DAB1: variants seen among roughly 807,000 people sequenced by gnomAD.
DAB1 encodes DAB adaptor protein 1.
In DAB1, 15 loss-of-function variants were observed where a neutral mutation model predicts 64.6. The observed-to-expected ratio is 0.23, with a 90% confidence interval of 0.16 to 0.36. The LOEUF (loss-of-function observed/expected upper bound fraction) is 0.36. Ranked by LOEUF, DAB1 falls within the 10% of genes least tolerant of loss-of-function variation. DAB1 has a pLI of 1.00. For synonymous variants in DAB1, 235 were observed against 251.9 expected (o/e 0.93, Z 0.64); for missense variants, 596 against 706.7 (o/e 0.84, Z 1.78).
chr1:57,670,788 T>C (rs1646501285), intron 6 of DAB1, among the ~76,000 whole-genome samples: 1 of 152,072 alleles, frequency 6.6e-6, no homozygotes, highest in Non-Finnish European at 1.5e-5. Context: ...AGAAATACTT[T>C]CAGGGAGAAG....
chr1:57,093,278 G>T (rs757851415), intron 4 of DAB1, among the ~76,000 whole-genome samples: 1 of 152,174 alleles, frequency 6.6e-6, no homozygotes, highest in Non-Finnish European at 1.5e-5. Flanking sequence ...GTGGAAAAAG[G>T]TCCCCTGGTC....
chr1:58,124,558 A>C (rs1029253600), intron 5 of DAB1, among the ~76,000 whole-genome samples: 1 of 152,166 alleles, frequency 6.6e-6, no homozygotes, highest in African/African-American at 2.4e-5. Context: ...CATATTTGTG[A>C]TGAATTATAG....
chr1:57,319,365 G>A (rs1247394438), intron 1 of DAB1, among the ~76,000 whole-genome samples: 1 of 148,428 alleles, frequency 6.7e-6, no homozygotes, highest in Non-Finnish European at 1.5e-5. Flanking sequence ...TGAACAAATC[G>A]CTGCCTCTTC....
At chr1:57,277,619 G>C (rs891556592) in intron 2 of DAB1, among the ~76,000 whole-genome samples, 1 of 152,194 alleles carries the variant, frequency 6.6e-6, no homozygotes, top group African/African-American at 2.4e-5. Flanking sequence ...GCTTCAGAAT[G>C]ACATTCAATG....
At chr1:57,512,001 T>C (rs912045027) in intron 7 of DAB1, among the ~76,000 whole-genome samples, 4 of 152,188 alleles carry the variant, frequency 2.6e-5, no homozygotes, top group Admixed American at 6.5e-5. Context: ...GTTTTAAAAC[T>C]ATCATCTATC....
chr1:57,613,879 A>G (rs1375076654), intron 7 of DAB1, among the ~76,000 whole-genome samples: 1 of 152,196 alleles, frequency 6.6e-6, no homozygotes, highest in Non-Finnish European at 1.5e-5. Flanking sequence ...GTCCTGGGCA[A>G]GTCAAAGTAC....
intron 3 of DAB1, among the ~76,000 whole-genome samples, chr1:58,463,856 G>GAC (rs1645268647): frequency 6.6e-6 from 1 of 152,270 alleles, no homozygotes. Flanking sequence ...GAGAATCTGA[G>GAC]ACAGACTGTG....
intron 7 of DAB1, among the ~76,000 whole-genome samples, chr1:57,516,543 C>T (rs10493227): frequency 6.6e-6 from 1 of 152,102 alleles, no homozygotes; most frequent in Non-Finnish European, 1.5e-5. Context: ...TACAATGACA[C>T]GTTGAGAACA....
At chr1:57,310,508 CGCT>C (rs1674604982) in intron 1 of DAB1, among the ~76,000 whole-genome samples, 1 of 152,068 alleles carries the variant, frequency 6.6e-6, no homozygotes, top group South Asian at 2.1e-4. Context: ...GCAGAGTCCT[CGCT>C]GCTAAGTGGC....
At position 57,062,901 on chromosome 1, in the gene DAB1, T is replaced by G; in HGVS notation, c.706A>C (p.Lys236Gln). The G allele has an allele frequency of 1.2e-6, 2 of 1,614,186 alleles. No individual in the cohort carries two copies. Among genetic ancestry groups the G allele is most frequent in the Non-Finnish European group, 1.7e-6 (2 of 1,179,998 alleles). Residue 236 changes from lysine to glutamine, a missense_variant, in exon 9 of 15, where the codon AAA (lysine) becomes CAA (glutamine). Coordinates refer to ENST00000371236, the MANE Select transcript of DAB1 (RefSeq NM_001365792.1). ...QKKEGVYDVP[K>Q]SQPVSAVTQL... ...GTACTTACACTTACAGGTTGACTTT[T>G]TGGCACATCATAAACACCTTCCTTC...
intron 4 of DAB1, among the ~76,000 whole-genome samples, chr1:58,199,118 A>G (rs1657855756): frequency 6.6e-6 from 1 of 152,198 alleles, no homozygotes; most frequent in Admixed American, 6.5e-5. Flanking sequence ...AAAACAAAAA[A>G]CAAAAAACAA....
intron 3 of DAB1, among the ~76,000 whole-genome samples, chr1:58,366,650 T>C (rs977181728): frequency 5.3e-5 from 8 of 152,234 alleles, no homozygotes; most frequent in Admixed American, 4.6e-4. Flanking sequence ...CTCTAGGCTT[T>C]GAGAGCTGGA....
intron 5 of DAB1, among the ~76,000 whole-genome samples, chr1:57,986,778 G>C (rs1646229631): frequency 6.6e-6 from 1 of 152,184 alleles, no homozygotes. Context: ...TCTCCACAGA[G>C]AACGTTCTAT....
intron 7 of DAB1, among the ~76,000 whole-genome samples, chr1:57,541,422 C>T (rs547260596): frequency 6.6e-6 from 1 of 152,274 alleles, no homozygotes; most frequent in African/African-American, 2.4e-5. Context: ...AGCCACCGCA[C>T]CCAGCCAATA....
chr1:57,369,902 A>G (rs1680362187), intron 1 of DAB1, among the ~76,000 whole-genome samples: 1 of 152,230 alleles, frequency 6.6e-6, no homozygotes, highest in Non-Finnish European at 1.5e-5. Flanking sequence ...AACCAAGATC[A>G]TCCAGCTACG....
chr1:58,466,521 G>C (rs1198578623), intron 3 of DAB1, among the ~76,000 whole-genome samples: 1 of 152,124 alleles, frequency 6.6e-6, no homozygotes, highest in Non-Finnish European at 1.5e-5. Flanking sequence ...CAAGGACTTG[G>C]AGCCTGGAAG....
At chr1:58,133,430 G>C (rs1653760026) in intron 5 of DAB1, among the ~76,000 whole-genome samples, 2 of 152,034 alleles carry the variant, frequency 1.3e-5, no homozygotes, top group African/African-American at 2.4e-5. Flanking sequence ...CTGCTCTCTG[G>C]GTTATCTTTC....
intron 9 of DAB1, among the ~76,000 whole-genome samples, chr1:57,057,646 T>A (rs535259359): frequency 3.3e-5 from 5 of 151,472 alleles, no homozygotes; most frequent in East Asian, 2.0e-4. Context: ...CTCGTTCTGT[T>A]GCCCAGGCTG....
At chr1:58,148,536 T>C (rs956335860) in intron 5 of DAB1, among the ~76,000 whole-genome samples, 4 of 152,176 alleles carry the variant, frequency 2.6e-5, no homozygotes, top group Non-Finnish European at 1.5e-5. Flanking sequence ...ATTAGTCCAT[T>C]CTCATGCTGC....
Sources: allele counts gnomAD v4.1 joint callset (sites outside exome capture counted in the v4.1 genomes callset), GRCh38; gene constraint gnomAD v4.1.1; transcripts MANE v1.5; gene names NCBI Gene and HGNC (gene_info 2026-07-23, HGNC 2026-07-21).